XPA: variants seen among roughly 807,000 people sequenced by gnomAD.
XPA encodes DNA repair protein complementing XP-A cells.
XPA carries 27 observed loss-of-function variants against 35.7 expected under a neutral mutation model. The observed-to-expected ratio is 0.76, with a 90% CI of 0.56 to 1.04. The LOEUF is 1.04. Among genes scored for constraint, XPA ranks in the 50% least tolerant of loss-of-function variants. The pLI is 0.00. For synonymous variants in XPA, 133 were observed against 118.4 expected (o/e 1.12, Z -0.80); for missense variants, 354 against 342.7 (o/e 1.03, Z -0.26).
chr9:97,675,287 AACAT>A lies in XPA; in HGVS notation c.*148_*151del. ...TCACTGAAACTTGCTTTTAAGCCATAACATACATAATTATTACTGAAGTATTACT... is the reference window on the plus strand; with the variant it reads ...TCACTGAAACTTGCTTTTAAGCCATAACATAATTATTACTGAAGTATTACT... On this transcript the variant is annotated 3_prime_UTR_variant, in exon 6 of 6. Coordinates refer to ENST00000375128, the MANE Select transcript of XPA (RefSeq NM_000380.4). 1 of 921,498 alleles carries A rather than the reference AACAT, an allele frequency of 1.1e-6. No homozygotes were observed. The highest frequency in any genetic ancestry group is 2.3e-5 in the Admixed American group (1 of 43,004). The allele number at this position is 921,498 out of a possible 1,614,324, so 57.1% of individuals were successfully genotyped here. A position where few individuals can be genotyped will look rare whatever the true frequency, so the allele number is the denominator to read the frequency against.
chr9:97,666,916 A>G, the XPA span: 36 of 1,377,628 alleles, frequency 2.6e-5, no homozygotes, highest in East Asian at 6.4e-4. Flanking sequence ...TAAAGAAAAT[A>G]TACCAGAAAC....
the XPA span, among the ~76,000 whole-genome samples, chr9:97,657,217 C>T: frequency 2.0e-5 from 3 of 152,186 alleles, no homozygotes; most frequent in Non-Finnish European, 4.4e-5. Context: ...CCGCCCGCCT[C>T]GGCCTCCCAA....
intron 5 of XPA, among the ~76,000 whole-genome samples, chr9:97,678,496 G>GT (rs1383091530): frequency 9.2e-5 from 14 of 152,210 alleles, no homozygotes; most frequent in African/African-American, 3.1e-4. Flanking sequence ...GAGCAACAAA[G>GT]TAAGGACAGA....
downstream of XPA, chr9:97,673,543 G>A (rs1409494375): frequency 1.3e-5 from 2 of 152,184 alleles, no homozygotes; most frequent in Non-Finnish European, 2.9e-5. Flanking sequence ...CTCTGTCCCA[G>A]TCTAGCAGCT....
chr9:97,666,817 C>T, the XPA span: 6 of 1,609,660 alleles, frequency 3.7e-6, no homozygotes, highest in East Asian at 9.0e-5. Context: ...ACAAACATGT[C>T]CTGAAGATCC....
chr9:97,667,136 T>C, the XPA span, among the ~76,000 whole-genome samples: 1 of 152,128 alleles, frequency 6.6e-6, no homozygotes, highest in Non-Finnish European at 1.5e-5. Context: ...TATCTCTGGG[T>C]CGGCCTCACG....
intron 2 of XPA, among the ~76,000 whole-genome samples, chr9:97,691,995 G>A (rs944998934): frequency 6.6e-6 from 1 of 150,602 alleles, no homozygotes; most frequent in Admixed American, 6.6e-5. Flanking sequence ...CCAACAAGAA[G>A]AAAAAAGGAG....
At chr9:97,681,242 A>G (rs1378461520) in intron 5 of XPA, among the ~76,000 whole-genome samples, 3 of 152,248 alleles carry the variant, frequency 2.0e-5, no homozygotes, top group Non-Finnish European at 4.4e-5. Context: ...AGATACTTCT[A>G]AATACTTTAT....
At chr9:97,684,177 T>G (rs566502447) in intron 5 of XPA, among the ~76,000 whole-genome samples, 1 of 151,840 alleles carries the variant, frequency 6.6e-6, no homozygotes, top group African/African-American at 2.4e-5. Context: ...CCTGACAAAC[T>G]CTGACTCCAG....
At chr9:97,683,675 T>C (rs983062518) in intron 5 of XPA, among the ~76,000 whole-genome samples, 2 of 151,448 alleles carry the variant, frequency 1.3e-5, no homozygotes, top group African/African-American at 4.9e-5. Flanking sequence ...AGGAAAATCA[T>C]GCAATAAGAG....
the XPA span, among the ~76,000 whole-genome samples, chr9:97,666,313 A>G: frequency 6.6e-6 from 1 of 152,248 alleles, no homozygotes; most frequent in African/African-American, 2.4e-5. Flanking sequence ...ACATTCCAAG[A>G]GAATAATTGG....
At chr9:97,681,309 T>C (rs1828530301) in intron 5 of XPA, among the ~76,000 whole-genome samples, 1 of 152,108 alleles carries the variant, frequency 6.6e-6, no homozygotes, top group Non-Finnish European at 1.5e-5. Context: ...GAAAAAAAAT[T>C]ACAAGGAAAA....
downstream of XPA, chr9:97,669,914 A>G: frequency 2.0e-6 from 1 of 506,636 alleles, no homozygotes; most frequent in Non-Finnish European, 3.5e-6. Flanking sequence ...CCACCCCCCC[A>G]ACAACCCCCC....
intron 5 of XPA, among the ~76,000 whole-genome samples, chr9:97,677,537 A>T (rs3176735): frequency 0.12 from 17,570 of 151,908 alleles, 2,884 homozygotes; most frequent in African/African-American, 0.36. Context: ...AATTAAAAAA[A>T]TTTTTTTAAT....
the XPA span, among the ~76,000 whole-genome samples, chr9:97,662,598 G>A: frequency 1.3e-5 from 2 of 152,278 alleles, no homozygotes; most frequent in East Asian, 1.9e-4. Context: ...CAGAGAAACT[G>A]GACATCTCAC....
chr9:97,656,180 A>G, the XPA span: 1 of 1,024,480 alleles, frequency 9.8e-7, no homozygotes. Flanking sequence ...TGGATTCAAA[A>G]TCCACTTACT....
chr9:97,675,634 T>G (rs934208138), intron 5 of XPA, 47 bp from the exon 6 acceptor site: 5 of 1,612,944 alleles, frequency 3.1e-6, no homozygotes, highest in African/African-American at 1.3e-5. Context: ...GCTATTCAGG[T>G]GAATCCAAAA....
At position 97,675,410 on chromosome 9, in the gene XPA, TC is replaced by T. The variant is rs766048355; in HGVS notation, c.*28del. 1 of 1,593,842 alleles carries T rather than the reference TC, an allele frequency of 6.3e-7. No individual in the cohort carries two copies. The highest frequency in any genetic ancestry group is 1.2e-5 in the South Asian group (1 of 85,278). ...AATTTCCTTTATTTAAATATAAAAT[TC>T]TATAAAACAGGTCACTGAACTAAAA... On this transcript the variant is annotated 3_prime_UTR_variant, in exon 6 of 6. Coordinates refer to ENST00000375128, the MANE Select transcript of XPA (RefSeq NM_000380.4).
chr9:97,658,603 TAA>T, the XPA span: 2 of 1,498,470 alleles, frequency 1.3e-6, no homozygotes, highest in Non-Finnish European at 1.9e-6. Flanking sequence ...ATGGGACTGA[TAA>T]AAGATATTTT....
Sources: allele counts gnomAD v4.1 joint callset (sites outside exome capture counted in the v4.1 genomes callset), GRCh38; gene constraint gnomAD v4.1.1; transcripts MANE v1.5; gene names NCBI Gene and HGNC (gene_info 2026-07-23, HGNC 2026-07-21).